The following NRXN3 variants were observed in gnomAD, a reference collection of about 807,000 sequenced individuals.
The protein encoded by NRXN3 is neurexin 3.
Under a neutral mutation model 137.6 loss-of-function variants are expected in NRXN3, and 32 were observed. The ratio of observed to expected loss-of-function variants is 0.23; its 90% CI spans 0.18 to 0.31. The LOEUF (loss-of-function observed/expected upper bound fraction) is 0.31, where lower values mean the gene tolerates loss of function less well. Among genes scored for constraint, NRXN3 ranks in the 10% least tolerant of loss-of-function variants. The pLI, the probability that NRXN3 is intolerant of heterozygous loss-of-function variation, is 1.00. For synonymous variants in NRXN3, 798 were observed against 784.5 expected (o/e 1.02, Z -0.29); for missense variants, 1,574 against 2,062.5 (o/e 0.76, Z 4.59).
At chr14:78,729,033 G>T (rs944645634) in intron 8 of NRXN3, among the ~76,000 whole-genome samples, 30 of 152,282 alleles carry the variant, frequency 2.0e-4, no homozygotes, top group African/African-American at 7.0e-4. Flanking sequence ...GCCATTCTGG[G>T]GTTGTTATGA....
At chr14:79,745,086 C>T (rs553928448) in intron 19 of NRXN3, among the ~76,000 whole-genome samples, 3 of 149,600 alleles carry the variant, frequency 2.0e-5, no homozygotes, top group East Asian at 2.0e-4. Context: ...AAGTTCAGAG[C>T]GAAAAGAAAA....
chr14:78,411,080 G>T (rs1242712415), intron 4 of NRXN3, among the ~76,000 whole-genome samples: 1 of 151,664 alleles, frequency 6.6e-6, no homozygotes. Context: ...AAATGAAAAT[G>T]TTAGGTAGTT....
chr14:79,817,938 C>A (rs113628173), intron 20 of NRXN3, among the ~76,000 whole-genome samples: 1 of 151,864 alleles, frequency 6.6e-6, no homozygotes, highest in African/African-American at 2.4e-5. Context: ...AAACAAGTTA[C>A]CCTGGTTTCC....
chr14:79,059,639 T>A (rs1308146696), intron 15 of NRXN3, among the ~76,000 whole-genome samples: 1 of 152,210 alleles, frequency 6.6e-6, no homozygotes, highest in African/African-American at 2.4e-5. Context: ...AGTTATTGAT[T>A]CTCATGTTAT....
chr14:78,905,411 A>G (rs1392031184), intron 10 of NRXN3, among the ~76,000 whole-genome samples: 1 of 152,094 alleles, frequency 6.6e-6, no homozygotes, highest in Non-Finnish European at 1.5e-5. Flanking sequence ...GTTTTTGCAA[A>G]GGATAACTAA....
At chr14:79,447,971 G>A (rs532047633) in intron 15 of NRXN3, among the ~76,000 whole-genome samples, 92 of 152,270 alleles carry the variant, frequency 6.0e-4, no homozygotes, top group Non-Finnish European at 1.1e-3. Context: ...AAAATGTTAT[G>A]AACACAGCTA....
At chr14:79,391,597 C>A (rs1195266350) in intron 15 of NRXN3, among the ~76,000 whole-genome samples, 2 of 152,114 alleles carry the variant, frequency 1.3e-5, no homozygotes, top group Admixed American at 1.3e-4. Flanking sequence ...TCATAAATAT[C>A]GTAAAACTAA....
At chr14:78,415,779 A>C (rs755035842) in intron 4 of NRXN3, among the ~76,000 whole-genome samples, 4 of 152,052 alleles carry the variant, frequency 2.6e-5, no homozygotes, top group Non-Finnish European at 5.9e-5. Flanking sequence ...CTTATGATGA[A>C]ATTAATGCTT....
intron 4 of NRXN3, among the ~76,000 whole-genome samples, chr14:78,397,961 T>A (rs1413707945): frequency 1.3e-5 from 2 of 150,194 alleles, no homozygotes; most frequent in African/African-American, 4.9e-5. Flanking sequence ...ATGCCTGTAA[T>A]CGCAGCACTT....
chr14:79,721,326 G>A (rs1370396075), intron 19 of NRXN3, among the ~76,000 whole-genome samples: 1 of 152,066 alleles, frequency 6.6e-6, no homozygotes, highest in East Asian at 1.9e-4. Flanking sequence ...AGAAAAGGTG[G>A]GTGGTATGTG....
chr14:79,780,849 G>A (rs941684714), intron 19 of NRXN3, among the ~76,000 whole-genome samples: 3 of 152,048 alleles, frequency 2.0e-5, no homozygotes, highest in Non-Finnish European at 4.4e-5. Context: ...GATCTTGCAT[G>A]CCTAAGAGTC....
Position 78,552,128 on chromosome 14 carries a change from A to C in NRXN3, c.758-92992A>C, listed in dbSNP as rs534286271. On this transcript the variant is annotated intron_variant, in intron 4 of 20. Transcript: ENST00000335750. ...TCAAGAAGATTTGGATTTCAGTCCT[A>C]AGTCTGTCACTTGCTAATGGAACCA... Among the ~76,000 whole-genome samples the C allele has an allele frequency of 2.0e-4, 31 of 152,288 alleles. No individual in the cohort carries two copies. The South Asian group carries it at 6.0e-3, about 30-fold the overall frequency.
At position 79,467,211 on chromosome 14, in the gene NRXN3, G is replaced by A. The variant is rs771003695; in HGVS notation, c.3263-10G>A. 3.8e-6 allele frequency: 6 copies of A among 1,591,082 alleles called. No individual in the cohort carries two copies. In the Admixed American group the frequency reaches 1.0e-4, roughly 27 times the overall value. On this transcript the variant is annotated splice_polypyrimidine_tract_variant and intron_variant, in intron 15 of 20. Coordinates refer to ENST00000335750, the MANE Select transcript of NRXN3 (RefSeq NM_001330195.2). ...TGCCTTGATGTCTCCCTCTCTCCTT[G>A]CTTTTGCAGCTGGCGCTACGTACAT...
At chr14:79,653,583 T>TCAAA (rs1216052973) in intron 16 of NRXN3, among the ~76,000 whole-genome samples, 2 of 152,180 alleles carry the variant, frequency 1.3e-5, no homozygotes, top group East Asian at 1.9e-4. Context: ...CTGACCTCCT[T>TCAAA]CAAACAGTGT....
intron 10 of NRXN3, among the ~76,000 whole-genome samples, chr14:78,848,296 G>T (rs766250334): frequency 6.6e-5 from 10 of 152,108 alleles, no homozygotes; most frequent in Non-Finnish European, 1.3e-4. Context: ...GGGATAATTT[G>T]AGTGTTCCAT....
intron 15 of NRXN3, among the ~76,000 whole-genome samples, chr14:79,357,602 T>C (rs763607003): frequency 1.3e-5 from 2 of 152,128 alleles, no homozygotes; most frequent in African/African-American, 4.8e-5. Flanking sequence ...CTATCAAGAC[T>C]CTTCAAAGCA....
chr14:79,690,878 T>C (rs1263687480), intron 17 of NRXN3, among the ~76,000 whole-genome samples: 1 of 152,126 alleles, frequency 6.6e-6, no homozygotes, highest in Non-Finnish European at 1.5e-5. Flanking sequence ...AATTCTAATA[T>C]TCTTTATGGC....
chr14:79,721,033 T>C (rs1603449639), intron 19 of NRXN3, among the ~76,000 whole-genome samples: 1 of 152,304 alleles, frequency 6.6e-6, no homozygotes, highest in Admixed American at 6.5e-5. Context: ...AGTATTTATC[T>C]GTATATGAGT....
chr14:79,411,679 A>G (rs1362103928), intron 15 of NRXN3, among the ~76,000 whole-genome samples: 1 of 152,206 alleles, frequency 6.6e-6, no homozygotes, highest in Admixed American at 6.5e-5. Flanking sequence ...TCATAATTAG[A>G]ATCCAGAACA....
Sources: gnomAD v4.1 joint callset for allele counts (sites outside exome capture counted in the v4.1 genomes callset) on GRCh38, gnomAD v4.1.1 for gene constraint, MANE v1.5 for transcripts, NCBI Gene and HGNC (gene_info 2026-07-23, HGNC 2026-07-21) for gene names.